SNTG1: variants seen among roughly 807,000 people sequenced by gnomAD.
SNTG1 encodes gamma-1-syntrophin.
In SNTG1, 39 loss-of-function variants were observed where a neutral mutation model predicts 74.7. The ratio of observed to expected loss-of-function variants is 0.52; its 90% CI spans 0.40 to 0.68. The LOEUF (loss-of-function observed/expected upper bound fraction) is 0.68. Ranked by LOEUF, SNTG1 falls within the 30% of genes least tolerant of loss-of-function variation. The pLI, the probability that SNTG1 is intolerant of heterozygous loss-of-function variation, is 0.00. For missense variants in SNTG1, 685 were observed against 609.5 expected (o/e 1.12, Z -1.30); for synonymous variants, 254 against 217.1 (o/e 1.17, Z -1.49).
At chr8:50,099,533 G>T (rs1220435108) in intron 1 of SNTG1, among the ~76,000 whole-genome samples, 1 of 152,038 alleles carries the variant, frequency 6.6e-6, no homozygotes, top group Non-Finnish European at 1.5e-5. Flanking sequence ...TGTGCCAAAT[G>T]GTAGATCTAT....
At chr8:50,532,044 T>A (rs965164886) in intron 10 of SNTG1, among the ~76,000 whole-genome samples, 7 of 152,146 alleles carry the variant, frequency 4.6e-5, no homozygotes, top group Non-Finnish European at 8.8e-5. Context: ...CCAAATAAAT[T>A]CAGTTTTATA....
At chr8:50,060,549 T>C (rs1820382365) in intron 1 of SNTG1, among the ~76,000 whole-genome samples, 1 of 151,990 alleles carries the variant, frequency 6.6e-6, no homozygotes, top group Non-Finnish European at 1.5e-5. Context: ...GGGGATTTCT[T>C]CCCTTTTTTT....
chr8:50,124,823 T>A (rs928695705), intron 1 of SNTG1, among the ~76,000 whole-genome samples: 1 of 141,356 alleles, frequency 7.1e-6, no homozygotes, highest in Non-Finnish European at 1.6e-5. Flanking sequence ...ATTCGAGTGT[T>A]AAGCAAAAGA....
At chr8:50,539,640 A>T (rs1021320149) in intron 11 of SNTG1, among the ~76,000 whole-genome samples, 5 of 152,132 alleles carry the variant, frequency 3.3e-5, no homozygotes, top group African/African-American at 1.2e-4. Context: ...TACTTGTCCC[A>T]TCTCCCACAA....
chr8:50,167,634 G>GAA (rs759426683), intron 1 of SNTG1, among the ~76,000 whole-genome samples: 1 of 132,916 alleles, frequency 7.5e-6, no homozygotes. Flanking sequence ...TCATCGCTAC[G>GAA]AAAAAAAAAA....
chr8:50,306,596 C>T (rs141108183), intron 2 of SNTG1, among the ~76,000 whole-genome samples: 77 of 152,034 alleles, frequency 5.1e-4, no homozygotes, highest in Non-Finnish European at 6.0e-4. Flanking sequence ...CATTCTGGTA[C>T]GAGTAAGGTG....
At chr8:50,178,991 CAATTT>C (rs1249587880) in intron 2 of SNTG1, among the ~76,000 whole-genome samples, 2 of 152,134 alleles carry the variant, frequency 1.3e-5, no homozygotes, top group Non-Finnish European at 2.9e-5. Context: ...TTGAAATCAT[CAATTT>C]ATTTTGAGTT....
chr8:49,986,622 C>T (rs1813177804), intron 1 of SNTG1, among the ~76,000 whole-genome samples: 2 of 151,576 alleles, frequency 1.3e-5, no homozygotes, highest in African/African-American at 2.4e-5. Context: ...CCTGTAATCC[C>T]AGCACTTTTG....
intron 17 of SNTG1, among the ~76,000 whole-genome samples, chr8:50,720,039 T>C (rs187437973): frequency 4.6e-5 from 7 of 152,294 alleles, no homozygotes; most frequent in Admixed American, 2.6e-4. Context: ...ACAATTTAGT[T>C]CAATCTTTAA....
At chr8:50,248,076 T>A (rs945069213) in intron 2 of SNTG1, among the ~76,000 whole-genome samples, 1 of 152,140 alleles carries the variant, frequency 6.6e-6, no homozygotes, top group African/African-American at 2.4e-5. Flanking sequence ...AAATTTCCCC[T>A]ATTTATAAAG....
At chr8:50,706,930 C>T (rs1368320011) in intron 16 of SNTG1, among the ~76,000 whole-genome samples, 1 of 151,870 alleles carries the variant, frequency 6.6e-6, no homozygotes, top group African/African-American at 2.4e-5. Context: ...CAAAGTGTTC[C>T]TCATTTAAAC....
At chr8:50,590,977 A>G in intron 13 of SNTG1, 60 bp downstream of exon 13, 2 of 1,224,078 alleles carry the variant, frequency 1.6e-6, no homozygotes, top group South Asian at 3.2e-5. Flanking sequence ...TATTGATTAT[A>G]GAAGATAACG....
At chr8:50,255,307 T>A (rs1347228901) in intron 2 of SNTG1, among the ~76,000 whole-genome samples, 1 of 152,210 alleles carries the variant, frequency 6.6e-6, no homozygotes, top group African/African-American at 2.4e-5. Context: ...CTCTAGTAAG[T>A]TCCTTTCTAA....
intron 13 of SNTG1, among the ~76,000 whole-genome samples, chr8:50,598,090 A>G (rs758593596): frequency 9.3e-5 from 14 of 149,984 alleles, no homozygotes; most frequent in Non-Finnish European, 1.6e-4. Flanking sequence ...CCATTTGTCT[A>G]TTTTTGCTAT....
chr8:50,527,149 A>C (rs990342482), intron 9 of SNTG1, among the ~76,000 whole-genome samples: 51 of 151,984 alleles, frequency 3.4e-4, no homozygotes, highest in Non-Finnish European at 3.7e-4. Context: ...CTTCTTTTGG[A>C]AAGCTTCTGT....
rs141752023 is a variant in SNTG1, at chr8:49,965,693, G to A, written c.-103+53462G>A. 4.9e-4 allele frequency among the ~76,000 whole-genome samples: 75 copies of A among 152,202 alleles called. 1 individual carries two copies. Among genetic ancestry groups the A allele is most frequent in the African/African-American group, 1.7e-3 (71 of 41,536 alleles). On this transcript the variant is annotated intron_variant, in intron 1 of 18. Coordinates refer to ENST00000642720, the MANE Select transcript of SNTG1 (RefSeq NM_018967.5). ...AGAAATGTTCCATTTTTAGATAACC[G>A]AATGTTTTTCATGAAAATAACACAA...
chr8:50,552,924 C>T (rs1236339088), intron 11 of SNTG1, 126 bp from the exon 12 acceptor site: 1 of 1,164,518 alleles, frequency 8.6e-7, no homozygotes, highest in Admixed American at 2.7e-5. Context: ...GTCAGGTAAC[C>T]AAATATGAAT....
chr8:50,507,604 G>A (rs1213328838), intron 9 of SNTG1, among the ~76,000 whole-genome samples: 2 of 152,006 alleles, frequency 1.3e-5, no homozygotes, highest in Non-Finnish European at 1.5e-5. Context: ...TATTCAGTTT[G>A]TTGGCACATA....
chr8:50,265,364 C>T (rs1480625635), intron 2 of SNTG1, among the ~76,000 whole-genome samples: 1 of 151,998 alleles, frequency 6.6e-6, no homozygotes, highest in Non-Finnish European at 1.5e-5. Flanking sequence ...ATTGGAATAA[C>T]TGGAAACCAC....
Sources: gnomAD v4.1 joint callset for allele counts (sites outside exome capture counted in the v4.1 genomes callset) on GRCh38, gnomAD v4.1.1 for gene constraint, MANE v1.5 for transcripts, NCBI Gene and HGNC (gene_info 2026-07-23, HGNC 2026-07-21) for gene names.